GIPC1: variants seen among roughly 807,000 people sequenced by gnomAD.
GIPC1 encodes the protein GIPC PDZ domain containing family member 1.
In GIPC1, 15 loss-of-function variants were observed where a neutral mutation model predicts 28.5. That is an observed-to-expected ratio of 0.53 (90% CI 0.35 to 0.81). GIPC1 has a LOEUF of 0.81. Among genes scored for constraint, GIPC1 ranks in the 30% least tolerant of loss-of-function variants. The pLI, the probability that GIPC1 is intolerant of heterozygous loss-of-function variation, is 0.01. For missense variants in GIPC1, 439 were observed against 481.9 expected, an observed-to-expected ratio of 0.91 and a Z score of 0.83; for synonymous variants, 224 against 206.1, an observed-to-expected ratio of 1.09 and a Z score of -0.74.
chr19:14,484,536 G>C (rs186145139), intron 3 of GIPC1, among the ~76,000 whole-genome samples: 1 of 148,374 alleles, frequency 6.7e-6, no homozygotes, highest in African/African-American at 2.5e-5. Flanking sequence ...ACGAGGTCAG[G>C]AATTCAAGAC....
rs980169297 is a variant in GIPC1, at chr19:14,478,816, T to C, written c.769-51A>G. ...GACATCATAACAATGTGAATATACA[T>C]AGTAATTGGACGGACTGCCATTGTC... is the stretch of plus-strand genomic sequence containing the variant. On this transcript the variant is annotated intron_variant, in intron 7 of 8. Transcript: ENST00000393033. This position sits in a 1 kb window ranked among gnomAD's most constrained non-coding sequence, Gnocchi z 5.2. 6.8e-6 allele frequency: 9 copies of C among 1,319,658 alleles called. No individual in the cohort carries two copies. Among genetic ancestry groups the C allele is most frequent in the South Asian group, 1.2e-5 (1 of 85,050 alleles). 81.7% of individuals were successfully genotyped at this position (1,319,658 alleles called of 1,614,324 possible).
chr19:14,479,841 T>C, intron 6 of GIPC1: 3 of 372,116 alleles, frequency 8.1e-6, no homozygotes, highest in Non-Finnish European at 9.7e-6. Context: ...TCCAGCTGCC[T>C]GAGTCCGTCT....
At chr19:14,484,709 T>G (rs2071799432) in intron 3 of GIPC1, among the ~76,000 whole-genome samples, 1 of 151,840 alleles carries the variant, frequency 6.6e-6, no homozygotes, top group Non-Finnish European at 1.5e-5. Context: ...ACCGTGCCAT[T>G]GCCTGGGTGA....
chr19:14,482,768 G>C lies in GIPC1; in HGVS notation c.209C>G (p.Thr70Ser), dbSNP rs1261622989. The C allele has an allele frequency of 6.2e-7, 1 of 1,610,718 alleles. No homozygotes were observed. Among genetic ancestry groups the C allele is most frequent in the East Asian group, 2.2e-5 (1 of 44,866 alleles). ...GTTGGTGAAGCCCTCGATGCGGCCA[G>C]TGGGACTGCCATGGGCCAGCTGGGT... ...FHTQLAHGSP[T>S]GRIEGFTNVK... The change falls in exon 4 of 9, where the codon ACT becomes AGT. Residue 70 changes from threonine to serine, a missense_variant. By Grantham distance (58) the Thr-to-Ser change is moderately conservative. Coordinates refer to ENST00000393033, the MANE Select transcript of GIPC1 (RefSeq NM_005716.4).
rs1233884604 is a variant in GIPC1, at chr19:14,480,462, G to T, written c.498C>A (p.Ile166=). ...CCACGCTGATGAGGTGGATGTGGTC[G>T]ATCACGCTGCCCTCCTTGATGCGCT... The part of the protein sequence containing the change: ...FIKRIKEGSV[I]DHIHLISVGD... The change falls in exon 6 of 9, where the codon ATC becomes ATA. Residue 166 remains isoleucine, a synonymous_variant. Coordinates refer to ENST00000393033, the MANE Select transcript of GIPC1 (RefSeq NM_005716.4). The T allele has an allele frequency of 1.9e-6, 3 of 1,612,834 alleles. No homozygotes were observed. Among genetic ancestry groups the T allele is most frequent in the Non-Finnish European group, 2.5e-6 (3 of 1,179,312 alleles).
Position 14,482,606 on chromosome 19 carries a change from G to C in GIPC1, c.288+83C>G, listed in dbSNP as rs908322834. Reference sequence around the variant, plus strand: ...CTCAGCATCTGCAGCTTCAGCATCTGAGCCCCAGCTCATGAACAGGATGCA... The same window carrying C: ...CTCAGCATCTGCAGCTTCAGCATCTCAGCCCCAGCTCATGAACAGGATGCA... On this transcript the variant is annotated intron_variant, in intron 4 of 8. Coordinates refer to ENST00000393033, the MANE Select transcript of GIPC1 (RefSeq NM_005716.4). 84 of 1,366,090 alleles carry C rather than the reference G, an allele frequency of 6.1e-5. 1 individual carries two copies. The highest frequency in any genetic ancestry group is 9.3e-6 in the Non-Finnish European group (9 of 971,556). 84.6% of individuals were successfully genotyped at this position (1,366,090 alleles called of 1,614,324 possible).
intron 3 of GIPC1, among the ~76,000 whole-genome samples, chr19:14,491,246 A>G (rs2071967174): frequency 6.6e-6 from 1 of 151,268 alleles, no homozygotes; most frequent in Admixed American, 6.6e-5. Context: ...TGCTGGATTC[A>G]GCTTGGCCGC....
intron 3 of GIPC1, among the ~76,000 whole-genome samples, chr19:14,485,700 TATAGAGAGAGAGAGAGAGAG>T (rs1234565148): frequency 0.089 from 6,100 of 68,800 alleles, 244 homozygotes; most frequent in South Asian, 0.14. Flanking sequence ...TATATATATA[TATAGAGAGAGAGAGAGAGAG>T]AGAGAGAGAG....
At chr19:14,480,542 A>G (rs2071704762) in intron 5 of GIPC1, 51 bp downstream of exon 5, 1 of 1,605,362 alleles carries the variant, frequency 6.2e-7, no homozygotes, top group South Asian at 1.1e-5. Context: ...CCGGGGTCCC[A>G]TGGCCCACCC....
In GIPC1 at chr19:14,480,364, T is replaced by C. The variant is rs2071699427; in HGVS notation, c.596A>G (p.Lys199Arg). Residue 199 changes from lysine to arginine, a missense_variant, in exon 6 of 9, where the codon AAG becomes AGG. Transcript: ENST00000393033. Reference protein sequence around the residue: ...CRHYEVARLLKELPRGRTFTL... With the variant: ...CRHYEVARLLRELPRGRTFTL... ...GAAGGTACGGCCTCGGGGCAGCTCC[T>C]TGAGCAGCCGGGCCACCTCGTAGTG... The C allele has an allele frequency of 1.2e-6, 2 of 1,612,456 alleles. No individual in the cohort carries two copies. Among genetic ancestry groups the C allele is most frequent in the South Asian group, 1.1e-5 (1 of 91,022 alleles).
At chr19:14,479,734 G>A in intron 6 of GIPC1, 1 of 432,384 alleles carries the variant, frequency 2.3e-6, no homozygotes, top group East Asian at 3.6e-5. Context: ...GGAACAGCTG[G>A]GGGCCAGGAA....
At position 14,496,071 on chromosome 19, in the gene GIPC1, G is replaced by GCTGCCT. The variant is rs1599369676; in HGVS notation, c.-210_-209insAGGCAG. 1.6e-5 allele frequency: 4 copies of GCTGCCT among 246,126 alleles called. No homozygotes were observed. Among genetic ancestry groups the GCTGCCT allele is most frequent in the South Asian group, 7.1e-5 (1 of 14,180 alleles). The allele number at this position is 246,126 out of a possible 1,614,324, so 15.2% of individuals were successfully genotyped here. On this transcript the variant is annotated 5_prime_UTR_variant, in exon 1 of 9. Coordinates refer to ENST00000393033, the MANE Select transcript of GIPC1 (RefSeq NM_005716.4). ...CGCCGCCGCCGCCGCCGCCGCCGCC[G>GCTGCCT]CCGCTGCCTCCGCCTCCCCGTGCGC...
At chr19:14,480,858 G>T in intron 4 of GIPC1, 80 bp from the exon 5 acceptor site, 1 of 1,029,670 alleles carries the variant, frequency 9.7e-7, no homozygotes, top group Non-Finnish European at 1.5e-6. Flanking sequence ...AAGGGAGAGA[G>T]CTGGGAGAGG....
intron 3 of GIPC1, among the ~76,000 whole-genome samples, chr19:14,484,712 C>T (rs181287110): frequency 6.6e-6 from 1 of 151,558 alleles, no homozygotes; most frequent in Non-Finnish European, 1.5e-5. Flanking sequence ...GTGCCATTGC[C>T]TGGGTGACAG....
At chr19:14,484,608 T>C (rs1358843619) in intron 3 of GIPC1, among the ~76,000 whole-genome samples, 1 of 151,188 alleles carries the variant, frequency 6.6e-6, no homozygotes, top group Non-Finnish European at 1.5e-5. Flanking sequence ...TAGCCGGGTG[T>C]GGTGGCATGT....
intron 3 of GIPC1, among the ~76,000 whole-genome samples, chr19:14,487,229 T>C (rs2071866248): frequency 4.7e-5 from 7 of 147,946 alleles, no homozygotes; most frequent in Middle Eastern, 3.4e-3. Context: ...CTTTTTTTTC[T>C]TTCTTTCTTT....
Position 14,478,466 on chromosome 19 carries a change from C to T in GIPC1, c.952G>A (p.Val318Ile), listed in dbSNP as rs373945556. The change falls in exon 9 of 9, where the codon GTC becomes ATC. Residue 318 changes from valine to isoleucine, a missense_variant. Physicochemically the swap from Val to Ile is conservative, Grantham distance 29. Transcript: ENST00000393033. The surrounding 1 kb of genome is among the most constrained non-coding windows in gnomAD (Gnocchi z 5.2). ...LGDFAFPDEF[V>I]FDVWGAIGDA... ...CCAATGGCGCCCCAGACGTCAAAGA[C>T]GAACTCGTCAGGGAAGGCAAAGTCA... 14 of 1,612,910 alleles carry T rather than the reference C, an allele frequency of 8.7e-6. No homozygotes were observed. The highest frequency in any genetic ancestry group is 1.1e-5 in the South Asian group (1 of 90,978).
Position 14,480,315 on chromosome 19 carries a change from G to A in GIPC1, c.645C>T (p.Arg215=). 1 of 1,610,750 alleles carries A rather than the reference G, an allele frequency of 6.2e-7. No homozygotes were observed. Among genetic ancestry groups the A allele is most frequent in the Non-Finnish European group, 8.5e-7 (1 of 1,179,636 alleles). The change falls in exon 6 of 9, where the codon CGC becomes CGT. Residue 215 remains arginine, a synonymous_variant. Transcript: ENST00000393033. ...RTFTLKLTEP[R]KAFDMISQRS... The stretch of plus-strand genomic sequence containing the variant: ...GGGGCGGCTCCTCACCGAAGGCCTT[G>A]CGAGGCTCCGTGAGCTTCAGCGTGA...
At chr19:14,491,805 C>T (rs1568369103) in intron 2 of GIPC1, 62 bp from the exon 3 acceptor site, 1 of 152,194 alleles carries the variant, frequency 6.6e-6, no homozygotes, top group Admixed American at 6.6e-5. Flanking sequence ...GCTCTGACCT[C>T]GCTGGAAAGA....
Sources: allele counts gnomAD v4.1 joint callset (sites outside exome capture counted in the v4.1 genomes callset), GRCh38; gene constraint gnomAD v4.1.1; non-coding constraint Gnocchi (gnomAD v3.1); transcripts MANE v1.5; gene names NCBI Gene and HGNC (gene_info 2026-07-23, HGNC 2026-07-21).